HS3ST2: variants seen among roughly 807,000 people sequenced by gnomAD.
HS3ST2 encodes the protein heparan sulfate-glucosamine 3-sulfotransferase 2, also known as heparan sulfate glucosamine 3-O-sulfotransferase 2.
In HS3ST2, 17 loss-of-function variants were observed where a neutral mutation model predicts 26.3. That is an observed-to-expected ratio of 0.65 (90% CI 0.44 to 0.97). HS3ST2 has a LOEUF of 0.97. Ranked by LOEUF, HS3ST2 falls within the 50% of genes least tolerant of loss-of-function variation. HS3ST2 has a pLI of 0.00. For synonymous variants in HS3ST2, 237 were observed against 219.2 expected, an observed-to-expected ratio of 1.08 and a Z score of -0.72; for missense variants, 402 against 501.2, an observed-to-expected ratio of 0.80 and a Z score of 1.89.
chr16:22,877,374 C>A (rs1385350773), intron 1 of HS3ST2, among the ~76,000 whole-genome samples: 1 of 152,190 alleles, frequency 6.6e-6, no homozygotes, highest in East Asian at 1.9e-4. Context: ...GTGGCGTGCT[C>A]AGCGACTTCT....
chr16:22,853,581 G>C (rs1016473703), intron 1 of HS3ST2, among the ~76,000 whole-genome samples: 1 of 152,132 alleles, frequency 6.6e-6, no homozygotes, highest in African/African-American at 2.4e-5. Flanking sequence ...CTAATAGGAG[G>C]ATGATCGGCA....
Position 22,852,985 on chromosome 16 carries a change from C to T in HS3ST2, c.485+37890C>T, listed in dbSNP as rs75706336. On this transcript the variant is annotated intron_variant, in intron 1 of 1. Transcript: ENST00000261374. Reference sequence around the variant, plus strand: ...TAGAAACATTTTTTTCTCTACTGAACATGCCATCCCATTTTATATCAGCTT... The same window carrying T: ...TAGAAACATTTTTTTCTCTACTGAATATGCCATCCCATTTTATATCAGCTT... 9.5e-3 allele frequency among the ~76,000 whole-genome samples: 1,454 copies of T among 152,278 alleles called. 27 individuals carry two copies. The highest frequency in any genetic ancestry group is 0.033 in the African/African-American group (1,388 of 41,564).
At chr16:22,883,500 T>G (rs1293172355) in intron 1 of HS3ST2, among the ~76,000 whole-genome samples, 4 of 152,238 alleles carry the variant, frequency 2.6e-5, no homozygotes, top group African/African-American at 9.6e-5. Flanking sequence ...GGGTAGGAAG[T>G]CCAGGCATCC....
In HS3ST2 at chr16:22,814,775, C is replaced by T. The variant is rs1294666098; in HGVS notation, c.165C>T (p.Cys55=). Residue 55 remains cysteine (C), a synonymous_variant, in exon 1 of 2, where the codon TGC becomes TGT. Transcript: ENST00000261374. ...GRSRLLGAPR[C]LRGPSAGGQK... The stretch of plus-strand genomic sequence containing the variant: ...GCCGCCTCCTCGGCGCGCCTCGCTG[C>T]CTCCGCGGCCCCAGCGCGGGCGGCC... 6.9e-6 allele frequency: 11 copies of T among 1,602,510 alleles called. No homozygotes were observed. Among genetic ancestry groups the T allele is most frequent in the Non-Finnish European group, 9.4e-6 (11 of 1,175,986 alleles).
At chr16:22,900,853 G>A (rs1044276178) in intron 1 of HS3ST2, among the ~76,000 whole-genome samples, 8 of 152,148 alleles carry the variant, frequency 5.3e-5, no homozygotes, top group African/African-American at 1.9e-4. Context: ...GGGGTGGGAG[G>A]AGATGGAGCA....
chr16:22,914,764 A>AAAAAAGG (rs1902470284), intron 1 of HS3ST2, among the ~76,000 whole-genome samples, 180 bp from the exon 2 acceptor site: 1 of 124,738 alleles, frequency 8.0e-6, no homozygotes, highest in Non-Finnish European at 1.7e-5. Flanking sequence ...AAAAAAAAAA[A>AAAAAAGG]GAGAAGAAAA....
intron 1 of HS3ST2, among the ~76,000 whole-genome samples, chr16:22,893,458 C>G (rs1902157388): frequency 1.3e-5 from 2 of 152,094 alleles, no homozygotes; most frequent in South Asian, 4.1e-4. Flanking sequence ...TTAAGATTAT[C>G]AGCTTTTGTC....
At chr16:22,861,807 T>C (rs1901678283) in intron 1 of HS3ST2, among the ~76,000 whole-genome samples, 1 of 152,096 alleles carries the variant, frequency 6.6e-6, no homozygotes, top group Non-Finnish European at 1.5e-5. Context: ...CCAACCACAG[T>C]GCCCTCTCTG....
At chr16:22,845,057 TGTTA>T (rs1455663701) in intron 1 of HS3ST2, among the ~76,000 whole-genome samples, 1 of 148,102 alleles carries the variant, frequency 6.8e-6, no homozygotes, top group African/African-American at 2.6e-5. Context: ...GATTTCACTG[TGTTA>T]GTTAGGATGG....
At chr16:22,861,632 A>C (rs550578322) in intron 1 of HS3ST2, among the ~76,000 whole-genome samples, 44 of 152,258 alleles carry the variant, frequency 2.9e-4, no homozygotes, top group Admixed American at 2.7e-3. Context: ...AAAGAAACAC[A>C]ATTTTTAATC....
intron 1 of HS3ST2, among the ~76,000 whole-genome samples, chr16:22,904,757 A>T (rs1381289172): frequency 6.6e-6 from 1 of 152,208 alleles, no homozygotes; most frequent in African/African-American, 2.4e-5. Context: ...GAGCCACAGA[A>T]ATCCTGGTAA....
intron 1 of HS3ST2, among the ~76,000 whole-genome samples, chr16:22,894,779 A>G (rs1902184385): frequency 6.6e-6 from 1 of 151,554 alleles, no homozygotes; most frequent in South Asian, 2.1e-4. Context: ...GTGCGCCGTG[A>G]TCGTGCCACT....
At chr16:22,830,379 T>C (rs1248142299) in intron 1 of HS3ST2, among the ~76,000 whole-genome samples, 1 of 151,796 alleles carries the variant, frequency 6.6e-6, no homozygotes. Flanking sequence ...GCATGTGGTC[T>C]TGCTAACAGG....
intron 1 of HS3ST2, among the ~76,000 whole-genome samples, chr16:22,904,468 T>C (rs208634): frequency 0.52 from 79,106 of 151,918 alleles, 21,021 homozygotes; most frequent in Admixed American, 0.59. Context: ...AAATGGGTTA[T>C]GTCTATAGTG....
At chr16:22,905,550 T>C (rs1456067227) in intron 1 of HS3ST2, among the ~76,000 whole-genome samples, 3 of 152,146 alleles carry the variant, frequency 2.0e-5, no homozygotes, top group Non-Finnish European at 4.4e-5. Context: ...ACAAACAATA[T>C]GATTCTGCCT....
At chr16:22,909,856 C>A (rs540767181) in intron 1 of HS3ST2, among the ~76,000 whole-genome samples, 1 of 151,926 alleles carries the variant, frequency 6.6e-6, no homozygotes, top group African/African-American at 2.4e-5. Flanking sequence ...CCTGACCAAC[C>A]TGGTGAAACC....
chr16:22,845,576 C>T (rs1901420365), intron 1 of HS3ST2, among the ~76,000 whole-genome samples: 1 of 152,004 alleles, frequency 6.6e-6, no homozygotes, highest in Admixed American at 6.6e-5. Flanking sequence ...TGGTCTCGAC[C>T]TCCTGACCTC....
At chr16:22,857,439 G>GA (rs1254654430) in intron 1 of HS3ST2, among the ~76,000 whole-genome samples, 6 of 152,174 alleles carry the variant, frequency 3.9e-5, no homozygotes, top group African/African-American at 1.4e-4. Flanking sequence ...GTAAACAGTG[G>GA]AAAACGCGTT....
chr16:22,825,964 AGT>A (rs2141176325), intron 1 of HS3ST2, among the ~76,000 whole-genome samples: 1 of 152,316 alleles, frequency 6.6e-6, no homozygotes, highest in East Asian at 1.9e-4. Context: ...CAGAGGTTGC[AGT>A]GAGCCGAAAT....
Sources: gnomAD v4.1 joint callset for allele counts (sites outside exome capture counted in the v4.1 genomes callset) on GRCh38, gnomAD v4.1.1 for gene constraint, MANE v1.5 for transcripts, NCBI Gene and HGNC (gene_info 2026-07-23, HGNC 2026-07-21) for gene names.